Variants in SP2 observed in about 807,000 individuals in gnomAD.
SP2 encodes the protein transcription factor Sp2.
Under a neutral mutation model 50.1 loss-of-function variants are expected in SP2, and 9 were observed. That is an observed-to-expected ratio of 0.18 (90% confidence interval 0.11 to 0.31). SP2 has a LOEUF of 0.31. SP2 is among the 10% of genes least tolerant of loss of function. SP2 has a pLI of 1.00. For missense variants in SP2, 581 were observed against 806.5 expected, an observed-to-expected ratio of 0.72 and a Z score of 3.39; for synonymous variants, 313 against 326.6, an observed-to-expected ratio of 0.96 and a Z score of 0.45.
Position 47,917,021 on chromosome 17 carries a change from C to T in SP2, c.950C>T (p.Pro317Leu). The part of the protein sequence containing the change: ...KAEQQQVVQI[P>L]QQALRVVQAA... Reference sequence around the variant, plus strand: ...GAGCAGCAGCAGGTGGTACAGATCCCCCAGCAGGCTCTGCGGGTGGTGCAG... The same window carrying T: ...GAGCAGCAGCAGGTGGTACAGATCCTCCAGCAGGCTCTGCGGGTGGTGCAG... Residue 317 changes from proline to leucine, a missense_variant, in exon 3 of 7, where the codon CCC becomes CTC. Pro to Leu is a moderately conservative substitution (Grantham distance 98). Around this residue, in one of 2 missense-constraint regions of SP2, gnomAD observed 397 missense variants for 491.0 expected, o/e 0.81. Coordinates refer to ENST00000376741, the MANE Select transcript of SP2 (RefSeq NM_003110.6). 1 of 1,614,174 alleles carries T rather than the reference C, an allele frequency of 6.2e-7. No homozygotes were observed. Among genetic ancestry groups the T allele is most frequent in the Non-Finnish European group, 8.5e-7 (1 of 1,180,048 alleles).
chr17:47,899,792 G>T (rs560545149), intron 1 of SP2: 21 of 152,216 alleles, frequency 1.4e-4, no homozygotes, highest in African/African-American at 5.1e-4. Flanking sequence ...ACTGGGCTGC[G>T]GGCTGATGTG....
At chr17:47,921,409 C>T (rs934537478) in intron 3 of SP2, among the ~76,000 whole-genome samples, 1 of 152,124 alleles carries the variant, frequency 6.6e-6, no homozygotes, top group Non-Finnish European at 1.5e-5. Flanking sequence ...CCATCCCTCC[C>T]GGCTAATTTT....
chr17:47,921,242 C>G (rs1283226224), intron 3 of SP2, among the ~76,000 whole-genome samples: 1 of 152,084 alleles, frequency 6.6e-6, no homozygotes, highest in African/African-American at 2.4e-5. Context: ...TATGGACTCA[C>G]GGATTGCTGC....
At chr17:47,900,238 CTCTCCTATAGAATT>C (rs1176190949) in intron 1 of SP2, 11 of 152,316 alleles carry the variant, frequency 7.2e-5, no homozygotes, top group African/African-American at 2.4e-4. Context: ...GGGTTGTCAC[CTCTCCTATAGAATT>C]TGGTAGAATC....
chr17:47,903,568 G>C (rs1471131223), intron 1 of SP2, among the ~76,000 whole-genome samples: 1 of 152,128 alleles, frequency 6.6e-6, no homozygotes, highest in African/African-American at 2.4e-5. Flanking sequence ...CTGGGAGGCT[G>C]AGGCAGCAGA....
intron 6 of SP2, 53 bp from the exon 7 acceptor site, chr17:47,927,671 G>C: frequency 4.7e-6 from 6 of 1,286,104 alleles, no homozygotes; most frequent in Non-Finnish European, 6.6e-6. Context: ...TTTTTGGGCA[G>C]AGACAGGGTC....
chr17:47,915,184 G>T, intron 1 of SP2, 128 bp from the exon 2 acceptor site: 1 of 661,136 alleles, frequency 1.5e-6, no homozygotes, highest in Non-Finnish European at 2.6e-6. Context: ...CTACACTCCA[G>T]CCTGGGCAAC....
At position 47,896,331 on chromosome 17, in the gene SP2, C is replaced by G. The variant is rs199825277; in HGVS notation, c.7+38C>G. Reference sequence around the variant, plus strand: ...CGCTGCCGGCGGGGTCTTCCCGGCCCCCAAGGGTCAGGAAGACGGGCAGAG... The same window carrying G: ...CGCTGCCGGCGGGGTCTTCCCGGCCGCCAAGGGTCAGGAAGACGGGCAGAG... On this transcript the variant is annotated intron_variant, in intron 1 of 6. Transcript: ENST00000376741. 7,282 of 1,234,592 alleles carry G rather than the reference C, an allele frequency of 5.9e-3. 31 individuals carry two copies. The highest frequency in any genetic ancestry group is 8.3e-3 in the Middle Eastern group (30 of 3,604). The allele number at this position is 1,234,592 out of a possible 1,614,324, so 76.5% of individuals were successfully genotyped here.
At chr17:47,926,196 C>CTCTATTCCG (rs2144089376) in intron 6 of SP2, among the ~76,000 whole-genome samples, 1 of 151,798 alleles carries the variant, frequency 6.6e-6, no homozygotes, top group East Asian at 1.9e-4. Context: ...GGAATAGAGG[C>CTCTATTCCG]GTGAGCCACT....
chr17:47,917,934 A>G (rs1487373254), intron 3 of SP2: 3 of 244,690 alleles, frequency 1.2e-5, no homozygotes, highest in South Asian at 1.0e-4. Context: ...AATTGTGCCC[A>G]TGTTGCAGAT....
At chr17:47,921,001 A>G (rs1288754065) in intron 3 of SP2, among the ~76,000 whole-genome samples, 1 of 151,904 alleles carries the variant, frequency 6.6e-6, no homozygotes, top group Non-Finnish European at 1.5e-5. Flanking sequence ...AATGTTTTCA[A>G]GGTTCATCCA....
intron 1 of SP2, 178 bp downstream of exon 1, chr17:47,896,471 G>C: frequency 2.0e-6 from 1 of 500,694 alleles, no homozygotes; most frequent in Middle Eastern, 5.6e-4. Context: ...GGAGGAGCGG[G>C]GCTGGCCAGC....
intron 2 of SP2, among the ~76,000 whole-genome samples, chr17:47,915,628 G>T (rs1159889373): frequency 6.6e-6 from 1 of 152,112 alleles, no homozygotes; most frequent in African/African-American, 2.4e-5. Flanking sequence ...CACTAAAAAA[G>T]GAAAAGGAAA....
intron 4 of SP2, among the ~76,000 whole-genome samples, chr17:47,923,821 C>G (rs1041114858): frequency 6.6e-6 from 1 of 151,914 alleles, no homozygotes; most frequent in Middle Eastern, 3.4e-3. Flanking sequence ...TCTGCTTCAG[C>G]CTCCCGAGTA....
At chr17:47,919,262 TAGTG>T (rs2035337435) in intron 3 of SP2, among the ~76,000 whole-genome samples, 1 of 151,960 alleles carries the variant, frequency 6.6e-6, no homozygotes, top group African/African-American at 2.4e-5. Context: ...AATTAAAAAT[TAGTG>T]AGGCATGGTG....
intron 1 of SP2, among the ~76,000 whole-genome samples, chr17:47,901,210 C>CA (rs2034528786): frequency 6.6e-6 from 1 of 151,356 alleles, no homozygotes; most frequent in Non-Finnish European, 1.5e-5. Context: ...TGCAATGGCG[C>CA]AATCTTGGCT....
At position 47,923,827 on chromosome 17, in the gene SP2, G is replaced by T. The variant is rs111275166; in HGVS notation, c.1372+553G>T. Among the ~76,000 whole-genome samples, 39 of 151,704 alleles carry T rather than the reference G, an allele frequency of 2.6e-4. 1 individual carries two copies. Among genetic ancestry groups the T allele is most frequent in the African/African-American group, 8.2e-4 (34 of 41,354 alleles). On this transcript the variant is annotated intron_variant, in intron 4 of 6. Coordinates refer to ENST00000376741, the MANE Select transcript of SP2 (RefSeq NM_003110.6). ...GGTGCGATCTCTGCTTCAGCCTCCC[G>T]AGTAGCTGGGATTATAGACGCCCAC...
intron 2 of SP2, 69 bp downstream of exon 2, chr17:47,915,457 C>T: frequency 1.0e-6 from 1 of 970,138 alleles, no homozygotes; most frequent in Non-Finnish European, 1.6e-6. Flanking sequence ...AAAACACTCT[C>T]TCTTCACTGT....
At chr17:47,900,468 C>T (rs2034493772) in intron 1 of SP2, 1 of 152,268 alleles carries the variant, frequency 6.6e-6, no homozygotes, top group Non-Finnish European at 1.5e-5. Flanking sequence ...GAAATCACCA[C>T]TCATTTCAGA....
Sources: gnomAD v4.1 joint callset for allele counts (sites outside exome capture counted in the v4.1 genomes callset) on GRCh38, gnomAD v4.1.1 for gene constraint, gnomAD v4.1.1 regional missense constraint, MANE v1.5 for transcripts, NCBI Gene and HGNC (gene_info 2026-07-23, HGNC 2026-07-21) for gene names.